Variants in MICAL3 observed in about 807,000 individuals in gnomAD.
MICAL3 encodes the protein [F-actin]-monooxygenase MICAL3.
MICAL3 carries 62 observed loss-of-function variants against 207.4 expected under a neutral mutation model. The ratio of observed to expected loss-of-function variants is 0.30; its 90% CI spans 0.24 to 0.37. MICAL3 has a LOEUF of 0.37. Ranked by LOEUF, MICAL3 falls within the 10% of genes least tolerant of loss-of-function variation. MICAL3 has a pLI of 1.00. For missense variants in MICAL3, 2,368 were observed against 2,635.6 expected (o/e 0.90, Z 2.22); for synonymous variants, 1,077 against 1,069.3 (o/e 1.01, Z -0.14).
intron 1 of MICAL3, among the ~76,000 whole-genome samples, chr22:17,968,650 T>C (rs752354395): frequency 6.6e-6 from 1 of 152,100 alleles, no homozygotes; most frequent in South Asian, 2.1e-4. Flanking sequence ...ATATAATAAT[T>C]ACCACAACCA....
chr22:17,899,507 G>A lies in MICAL3; in HGVS notation c.889C>T (p.His297Tyr). 1 of 1,609,276 alleles carries A rather than the reference G, an allele frequency of 6.2e-7. No homozygotes were observed. The highest frequency in any genetic ancestry group is 1.1e-5 in the South Asian group (1 of 89,940). Residue 297 changes from histidine to tyrosine, a missense_variant, in exon 7 of 32, where the codon CAC (histidine) becomes TAC (tyrosine). Transcript: ENST00000441493. ...TTTTTGGCTGTCATAACGAAATAGT[G>A]TGTGTCATCTTTGTAGTAAACGATG... ...ENIVYYKDDTHYFVMTAKKQS... is the reference protein window; with the variant it reads ...ENIVYYKDDTYYFVMTAKKQS...
At chr22:17,983,223 C>T (rs1449513498) in intron 1 of MICAL3, 1 of 152,364 alleles carries the variant, frequency 6.6e-6, no homozygotes, top group East Asian at 1.9e-4. Context: ...TGCTGCACCA[C>T]CTTCCCTTCA....
intron 19 of MICAL3, chr22:17,861,712 G>GT (rs1359130182): frequency 2.0e-6 from 2 of 985,264 alleles, no homozygotes; most frequent in African/African-American, 3.5e-5. Flanking sequence ...ACACGCAGTA[G>GT]TAAGTATAAG....
At chr22:17,939,033 T>C (rs1933687990) in intron 1 of MICAL3, among the ~76,000 whole-genome samples, 1 of 152,118 alleles carries the variant, frequency 6.6e-6, no homozygotes, top group Admixed American at 6.5e-5. Context: ...AGGAAGTCAT[T>C]GGGATTAATG....
intron 21 of MICAL3, among the ~76,000 whole-genome samples, chr22:17,829,615 C>T (rs1163707221): frequency 1.3e-5 from 2 of 152,248 alleles, no homozygotes; most frequent in East Asian, 1.9e-4. Context: ...GAGACACATT[C>T]TTCTCTCAGA....
intron 20 of MICAL3, among the ~76,000 whole-genome samples, chr22:17,838,696 C>A (rs192177451): frequency 2.0e-5 from 3 of 152,328 alleles, no homozygotes; most frequent in East Asian, 3.9e-4. Context: ...CTGTCCCCTG[C>A]AGCAGAGGCC....
chr22:17,812,254 G>A (rs1408484705), intron 27 of MICAL3, among the ~76,000 whole-genome samples: 4 of 152,242 alleles, frequency 2.6e-5, no homozygotes, highest in South Asian at 2.1e-4. Context: ...GCCCCACAGC[G>A]GCAGCTGTGT....
chr22:17,866,613 C>CTGAAT lies in MICAL3; in HGVS notation c.2429-602_2429-601insATTCA, dbSNP rs1556037531. On this transcript the variant is annotated intron_variant, in intron 17 of 31. Coordinates refer to ENST00000441493, the MANE Select transcript of MICAL3 (RefSeq NM_015241.3). ...TGGAAGGGAACAGCATAGAACAGAA[C>CTGAAT]AGAATAGAATAGAATAGAATAGAAT... 2.9e-5 allele frequency among the ~76,000 whole-genome samples: 4 copies of CTGAAT among 136,268 alleles called. No homozygotes were observed. In the East Asian group the frequency reaches 8.8e-4, roughly 30 times the overall value. The allele number at this position is 136,268 out of a possible 152,430, so 89.4% of individuals were successfully genotyped here. A position where few individuals can be genotyped will look rare whatever the true frequency, so the allele number is the denominator to read the frequency against.
At chr22:17,824,113 G>A (rs753560267) in intron 22 of MICAL3, among the ~76,000 whole-genome samples, 1 of 151,992 alleles carries the variant, frequency 6.6e-6, no homozygotes, top group Non-Finnish European at 1.5e-5. Flanking sequence ...CCCACACTCC[G>A]AACTTGCACC....
At chr22:17,830,544 G>C (rs761188455) in intron 21 of MICAL3, among the ~76,000 whole-genome samples, 1 of 152,244 alleles carries the variant, frequency 6.6e-6, no homozygotes, top group Non-Finnish European at 1.5e-5. Context: ...GTCTGGAACA[G>C]TGCAAACAAA....
At chr22:17,992,575 C>CA (rs2146465705) in intron 1 of MICAL3, among the ~76,000 whole-genome samples, 1 of 152,280 alleles carries the variant, frequency 6.6e-6, no homozygotes, top group Admixed American at 6.5e-5. Context: ...TGAAAAAAGT[C>CA]AGTGTGTAAA....
intron 1 of MICAL3, among the ~76,000 whole-genome samples, chr22:17,935,454 T>C (rs1933470369): frequency 6.6e-6 from 1 of 152,198 alleles, no homozygotes; most frequent in Admixed American, 6.5e-5. Context: ...ACTTAAATGT[T>C]AGACCTAAAA....
chr22:17,866,403 T>C (rs1213429805), intron 17 of MICAL3, among the ~76,000 whole-genome samples: 1 of 152,166 alleles, frequency 6.6e-6, no homozygotes, highest in Non-Finnish European at 1.5e-5. Context: ...TGAATACAAG[T>C]GCAGGGTGGA....
rs12170424 is a variant in MICAL3, at chr22:17,900,736, T to C, written c.847+106A>G. The C allele has an allele frequency of 1.1e-6, 1 of 906,116 alleles. No homozygotes were observed. The highest frequency in any genetic ancestry group is 1.7e-5 in the African/African-American group (1 of 60,344). The allele number at this position is 906,116 out of a possible 1,614,324, so 56.1% of individuals were successfully genotyped here. A position where few individuals can be genotyped will look rare whatever the true frequency, so the allele number is the denominator to read the frequency against. On this transcript the variant is annotated intron_variant, in intron 6 of 31. Coordinates refer to ENST00000441493, the MANE Select transcript of MICAL3 (RefSeq NM_015241.3). This position sits in a 1 kb window ranked among gnomAD's most constrained non-coding sequence, Gnocchi z 4.0. ...TGAAAAGAGCAGGAGGGGCAGACAG[T>C]GCAGGAGGGACACCGACGGCCACTC... is the stretch of plus-strand genomic sequence containing the variant.
chr22:17,847,477 C>G (rs1054090102), intron 19 of MICAL3, among the ~76,000 whole-genome samples: 25 of 152,194 alleles, frequency 1.6e-4, no homozygotes, highest in Admixed American at 1.2e-3. Flanking sequence ...TGCTTCCAGC[C>G]AGACACCCTG....
chr22:17,994,624 G>A (rs1010099804), intron 1 of MICAL3, among the ~76,000 whole-genome samples: 1 of 151,988 alleles, frequency 6.6e-6, no homozygotes, highest in Non-Finnish European at 1.5e-5. Flanking sequence ...GAGGTTGGGG[G>A]ATGGCCTGGC....
At chr22:17,892,994 G>A (rs754837086) in intron 11 of MICAL3, among the ~76,000 whole-genome samples, 2 of 152,226 alleles carry the variant, frequency 1.3e-5, no homozygotes, top group East Asian at 3.9e-4. Context: ...CCACAGGCCC[G>A]GCACTCATGA....
intron 19 of MICAL3, among the ~76,000 whole-genome samples, chr22:17,846,726 C>T (rs1326747755): frequency 6.6e-6 from 1 of 152,214 alleles, no homozygotes; most frequent in African/African-American, 2.4e-5. Flanking sequence ...GCAACAACAG[C>T]CCAACAGGGA....
chr22:17,798,402 T>C (rs2061899232), intron 29 of MICAL3, among the ~76,000 whole-genome samples: 1 of 152,178 alleles, frequency 6.6e-6, no homozygotes, highest in Admixed American at 6.5e-5. Context: ...AGATCATTTT[T>C]GGTTTTCAGT....
Sources: allele counts gnomAD v4.1 joint callset (sites outside exome capture counted in the v4.1 genomes callset), GRCh38; gene constraint gnomAD v4.1.1; non-coding constraint Gnocchi (gnomAD v3.1); transcripts MANE v1.5; gene names NCBI Gene and HGNC (gene_info 2026-07-23, HGNC 2026-07-21).